The following DKK2 variants were observed in gnomAD, a reference collection of about 807,000 sequenced individuals.
The protein encoded by DKK2 is dickkopf-related protein 2.
Under a neutral mutation model 28.1 loss-of-function variants are expected in DKK2, and 11 were observed. The observed-to-expected ratio is 0.39, with a 90% CI of 0.25 to 0.65. DKK2 has a LOEUF of 0.65. Ranked by LOEUF, DKK2 falls within the 30% of genes least tolerant of loss-of-function variation. The pLI, the probability that DKK2 is intolerant of heterozygous loss-of-function variation, is 0.47. For missense variants in DKK2, 326 were observed against 335.5 expected, an observed-to-expected ratio of 0.97 and a Z score of 0.22; for synonymous variants, 135 against 126.5, an observed-to-expected ratio of 1.07 and a Z score of -0.45.
intron 1 of DKK2, among the ~76,000 whole-genome samples, chr4:106,952,556 TAA>T (rs1325159535): frequency 6.6e-6 from 1 of 152,174 alleles, no homozygotes; most frequent in African/African-American, 2.4e-5. Context: ...TTCAAAATGA[TAA>T]GTTATATTGA....
chr4:106,982,962 A>C (rs984676238), intron 1 of DKK2, among the ~76,000 whole-genome samples: 1 of 149,174 alleles, frequency 6.7e-6, no homozygotes, highest in Non-Finnish European at 1.5e-5. Flanking sequence ...GAAAAAGAAG[A>C]AGAAAGAAAG....
At chr4:106,968,123 A>AGGAG (rs1451661950) in intron 1 of DKK2, among the ~76,000 whole-genome samples, 1 of 140,936 alleles carries the variant, frequency 7.1e-6, no homozygotes, top group African/African-American at 2.5e-5. Context: ...AAGAGAGGGA[A>AGGAG]GGAGGGAGGA....
At chr4:107,010,576 G>C (rs1019904689) in intron 1 of DKK2, among the ~76,000 whole-genome samples, 2 of 151,498 alleles carry the variant, frequency 1.3e-5, no homozygotes, top group Non-Finnish European at 3.0e-5. Context: ...TTAGTAAGAC[G>C]TGTCAAGTCT....
chr4:106,954,079 G>A (rs867832043), intron 1 of DKK2, among the ~76,000 whole-genome samples: 117 of 152,198 alleles, frequency 7.7e-4, no homozygotes, highest in African/African-American at 2.7e-3. Context: ...GTTATTTAAA[G>A]TATGAAATAT....
At chr4:106,988,541 G>A (rs531812678) in intron 1 of DKK2, among the ~76,000 whole-genome samples, 10 of 152,266 alleles carry the variant, frequency 6.6e-5, no homozygotes, top group African/African-American at 2.4e-4. Context: ...AGTGTTTAAT[G>A]TCATGCAGCT....
chr4:107,004,471 TCCATAA>T (rs1371228837), intron 1 of DKK2, among the ~76,000 whole-genome samples: 1 of 152,242 alleles, frequency 6.6e-6, no homozygotes, highest in Non-Finnish European at 1.5e-5. Context: ...CCTGCCATTA[TCCATAA>T]GTTACCTGAA....
intron 1 of DKK2, among the ~76,000 whole-genome samples, 155 bp downstream of exon 1, chr4:107,035,215 A>T (rs1183018024): frequency 1.3e-5 from 2 of 151,762 alleles, no homozygotes; most frequent in African/African-American, 2.4e-5. Context: ...CCCCCCGCCC[A>T]CGCAGACCCT....
intron 1 of DKK2, among the ~76,000 whole-genome samples, chr4:106,948,853 T>A (rs1724817800): frequency 6.6e-6 from 1 of 152,194 alleles, no homozygotes; most frequent in South Asian, 2.1e-4. Context: ...ATGATCTACT[T>A]CATGGATAGG....
chr4:107,021,540 C>A (rs1050956158), intron 1 of DKK2, among the ~76,000 whole-genome samples: 2 of 152,006 alleles, frequency 1.3e-5, no homozygotes, highest in Non-Finnish European at 2.9e-5. Flanking sequence ...TGTTGCTCTG[C>A]CCTACCTGTA....
Position 106,923,997 on chromosome 4 carries a change from G to T in DKK2, c.737C>A (p.Thr246Asn). Residue 246 changes from threonine (T) to asparagine (N), a missense_variant, in exon 4 of 4, where the codon ACC (threonine) becomes AAC (asparagine). Coordinates refer to ENST00000285311, the MANE Select transcript of DKK2 (RefSeq NM_014421.3). ...GLSCKVWKDA[T>N]YSSKARLHVC... ...ATGGAGTCTGGCTTTGGAGGAGTAGGTGGCATCTTTCCATACTTTGCAAGA... is the reference window on the plus strand; with the variant it reads ...ATGGAGTCTGGCTTTGGAGGAGTAGTTGGCATCTTTCCATACTTTGCAAGA... 3 of 1,613,942 alleles carry T rather than the reference G, an allele frequency of 1.9e-6. No homozygotes were observed. The highest frequency in any genetic ancestry group is 2.5e-6 in the Non-Finnish European group (3 of 1,179,888).
chr4:106,940,158 C>G (rs1180928306), intron 1 of DKK2, among the ~76,000 whole-genome samples: 1 of 152,200 alleles, frequency 6.6e-6, no homozygotes, highest in African/African-American at 2.4e-5. Flanking sequence ...AAACTACCAT[C>G]AGAGTGAACA....
At chr4:107,014,654 C>G (rs1187319043) in intron 1 of DKK2, among the ~76,000 whole-genome samples, 5 of 151,446 alleles carry the variant, frequency 3.3e-5, no homozygotes, top group African/African-American at 1.2e-4. Context: ...TAAAAGTTAT[C>G]CCCACAAATA....
chr4:106,940,290 T>A (rs980869227), intron 1 of DKK2, among the ~76,000 whole-genome samples: 1 of 152,058 alleles, frequency 6.6e-6, no homozygotes, highest in African/African-American at 2.4e-5. Context: ...CATCAAAAAG[T>A]GGGCAAAGGA....
Position 106,924,546 on chromosome 4 carries a change from T to A in DKK2, c.528A>T (p.Lys176Asn). 1 of 1,613,370 alleles carries A rather than the reference T, an allele frequency of 6.2e-7. No individual in the cohort carries two copies. ...CCCCAGAACTACAGATATCCCTACCTTTTATATGTGACATCTTAGTGTGTG... is the reference window on the plus strand; with the variant it reads ...CCCCAGAACTACAGATATCCCTACCATTTATATGTGACATCTTAGTGTGTG... ...GRPHTKMSHI[K>N]GHEGDPCLRS... Residue 176 changes from lysine to asparagine, a missense_variant and splice_region_variant, in exon 3 of 4, where the codon AAA becomes AAT. Physicochemically the swap from Lys to Asn is moderately conservative, Grantham distance 94 (BLOSUM62 0). Coordinates refer to ENST00000285311, the MANE Select transcript of DKK2 (RefSeq NM_014421.3).
intron 1 of DKK2, among the ~76,000 whole-genome samples, chr4:106,970,508 A>T (rs556526076): frequency 1.1e-4 from 16 of 152,218 alleles, no homozygotes; most frequent in African/African-American, 3.9e-4. Context: ...TATCCATGTT[A>T]TCATGATTAT....
At chr4:107,023,709 T>C (rs1723729272) in intron 1 of DKK2, among the ~76,000 whole-genome samples, 1 of 152,198 alleles carries the variant, frequency 6.6e-6, no homozygotes, top group South Asian at 2.1e-4. Context: ...CAAATCATAG[T>C]GGAAGCTAGG....
intron 1 of DKK2, among the ~76,000 whole-genome samples, chr4:107,017,166 A>G (rs1272911123): frequency 1.3e-5 from 2 of 151,990 alleles, no homozygotes; most frequent in Non-Finnish European, 2.9e-5. Flanking sequence ...CCATTCTATA[A>G]TGTAGTCCAG....
intron 1 of DKK2, among the ~76,000 whole-genome samples, chr4:106,964,043 A>G (rs115181467): frequency 0.025 from 3,805 of 152,280 alleles, 61 homozygotes; most frequent in Non-Finnish European, 0.037. Flanking sequence ...TTTTTATGCC[A>G]GCACCATGCT....
At chr4:106,978,537 C>G (rs1578365429) in intron 1 of DKK2, among the ~76,000 whole-genome samples, 1 of 152,132 alleles carries the variant, frequency 6.6e-6, no homozygotes, top group South Asian at 2.1e-4. Flanking sequence ...TTTGTTTGCA[C>G]TGGAAGGGGA....
Sources: allele counts gnomAD v4.1 joint callset (sites outside exome capture counted in the v4.1 genomes callset), GRCh38; gene constraint gnomAD v4.1.1; transcripts MANE v1.5; gene names NCBI Gene and HGNC (gene_info 2026-07-23, HGNC 2026-07-21).